RBFOX1: variants seen among roughly 807,000 people sequenced by gnomAD.
The protein encoded by RBFOX1 is RNA binding protein fox-1 homolog 1.
RBFOX1 carries 8 observed loss-of-function variants against 57.7 expected under a neutral mutation model. The observed-to-expected ratio is 0.14, with a 90% CI of 0.08 to 0.25. RBFOX1 has a LOEUF of 0.25. RBFOX1 is among the 10% of genes least tolerant of loss of function. The pLI is 1.00. For synonymous variants in RBFOX1, 326 were observed against 222.4 expected (o/e 1.47, Z -4.15); for missense variants, 611 against 548.5 (o/e 1.11, Z -1.14).
At chr16:7,567,253 ATATATATATATCCC>A (rs1385726437) in intron 5 of RBFOX1, among the ~76,000 whole-genome samples, 2 of 42,166 alleles carry the variant, frequency 4.7e-5, no homozygotes, top group East Asian at 8.3e-4. Context: ...ATATATCCCT[ATATATATATATCCC>A]TATATATATA....
At chr16:7,484,344 C>T (rs905860487) in intron 4 of RBFOX1, among the ~76,000 whole-genome samples, 2 of 152,090 alleles carry the variant, frequency 1.3e-5, no homozygotes, top group Non-Finnish European at 2.9e-5. Context: ...GGAGATAAAT[C>T]CTTCAAAGTA....
rs191555023 is a variant in RBFOX1 at position 6,198,853 on chromosome 16, G to C, written c.-126-118142G>C. On this transcript the variant is annotated intron_variant, in intron 1 of 15. Transcript: ENST00000550418. ...TGATGTTTATAGAGTACACCATCAA[G>C]ATGAGCTCTAGAAAAAGGAAACTAA... 4.6e-5 allele frequency among the ~76,000 whole-genome samples: 7 copies of C among 152,142 alleles called. No homozygotes were observed. In the East Asian group the frequency reaches 1.4e-3, roughly 29 times the overall value.
intron 2 of RBFOX1, among the ~76,000 whole-genome samples, chr16:6,527,381 T>C (rs879815217): frequency 1.3e-5 from 2 of 152,084 alleles, no homozygotes; most frequent in Non-Finnish European, 2.9e-5. Flanking sequence ...AACAAAGTGA[T>C]TTCTGTACAG....
chr16:6,159,384 T>C (rs2096861335), intron 1 of RBFOX1, among the ~76,000 whole-genome samples: 1 of 152,074 alleles, frequency 6.6e-6, no homozygotes. Context: ...GCCTCTGTCA[T>C]AGGTTTTTGG....
At chr16:5,281,785 C>G (rs1015144571) in intron 1 of RBFOX1, among the ~76,000 whole-genome samples, 9 of 152,128 alleles carry the variant, frequency 5.9e-5, no homozygotes, top group African/African-American at 2.2e-4. Context: ...ATATCTTTTT[C>G]AATCCCTTCA....
chr16:7,304,151 G>T, intron 4 of RBFOX1: 1 of 950,806 alleles, frequency 1.1e-6, no homozygotes, highest in Non-Finnish European at 1.3e-6. Context: ...CAGGGAGGAG[G>T]GACCGGCGGG....
At chr16:6,582,613 C>CAT (rs2097551497) in intron 2 of RBFOX1, among the ~76,000 whole-genome samples, 1 of 151,960 alleles carries the variant, frequency 6.6e-6, no homozygotes, top group Non-Finnish European at 1.5e-5. Flanking sequence ...ATGATGACAT[C>CAT]GTAGATCCAA....
At chr16:7,438,310 T>C (rs2098738725) in intron 4 of RBFOX1, among the ~76,000 whole-genome samples, 1 of 152,112 alleles carries the variant, frequency 6.6e-6, no homozygotes, top group Admixed American at 6.5e-5. Context: ...AAAGTGGATG[T>C]GAGGGGGTAA....
chr16:6,709,984 C>T (rs1204986651), intron 3 of RBFOX1, among the ~76,000 whole-genome samples: 1 of 152,000 alleles, frequency 6.6e-6, no homozygotes, highest in Non-Finnish European at 1.5e-5. Context: ...CACCTGTGCT[C>T]AATGTGAAAT....
chr16:7,391,039 G>A (rs2098004554), intron 4 of RBFOX1, among the ~76,000 whole-genome samples: 1 of 152,148 alleles, frequency 6.6e-6, no homozygotes, highest in Non-Finnish European at 1.5e-5. Context: ...TCATTGGTAA[G>A]CCTTGTTGTG....
intron 3 of RBFOX1, among the ~76,000 whole-genome samples, chr16:6,797,732 A>G (rs2084415312): frequency 6.6e-6 from 1 of 152,148 alleles, no homozygotes; most frequent in African/African-American, 2.4e-5. Context: ...TTTCCAAACC[A>G]CGTTGGCTCT....
At chr16:6,179,556 C>A (rs912605178) in intron 1 of RBFOX1, among the ~76,000 whole-genome samples, 1 of 152,144 alleles carries the variant, frequency 6.6e-6, no homozygotes, top group African/African-American at 2.4e-5. Flanking sequence ...CCCTACTGGG[C>A]TCAGAGACTG....
intron 14 of RBFOX1, among the ~76,000 whole-genome samples, chr16:7,679,833 G>C (rs974875718): frequency 6.6e-6 from 1 of 152,020 alleles, no homozygotes; most frequent in Non-Finnish European, 1.5e-5. Flanking sequence ...TGTGGGCAGA[G>C]ATTTCCCCAA....
chr16:5,398,686 G>T (rs942001440), intron 1 of RBFOX1, among the ~76,000 whole-genome samples: 1 of 152,096 alleles, frequency 6.6e-6, no homozygotes, highest in African/African-American at 2.4e-5. Flanking sequence ...GGTTGACAGT[G>T]GGGGAGGAAG....
At chr16:6,462,221 G>A (rs1010036497) in intron 2 of RBFOX1, among the ~76,000 whole-genome samples, 6 of 152,034 alleles carry the variant, frequency 3.9e-5, no homozygotes, top group Admixed American at 6.6e-5. Flanking sequence ...ATCTACCTTC[G>A]CAGTCCTCCA....
At chr16:5,803,507 T>G (rs1331622460) in intron 3 of RBFOX1, among the ~76,000 whole-genome samples, 2 of 152,296 alleles carry the variant, frequency 1.3e-5, no homozygotes, top group Non-Finnish European at 2.9e-5. Context: ...ACTTTCTTTG[T>G]GAGATTGCAG....
At chr16:7,620,528 C>G (rs896174244) in intron 10 of RBFOX1, among the ~76,000 whole-genome samples, 2 of 152,160 alleles carry the variant, frequency 1.3e-5, no homozygotes, top group Admixed American at 6.5e-5. Context: ...ACATTCTGCC[C>G]AAAGGCTTCC....
chr16:7,679,239 G>T (rs2074140165), intron 14 of RBFOX1, among the ~76,000 whole-genome samples: 1 of 152,178 alleles, frequency 6.6e-6, no homozygotes, highest in Non-Finnish European at 1.5e-5. Context: ...ACGTTTAGGG[G>T]AAAATGTGAA....
At chr16:6,269,088 A>G (rs2074900294) in intron 1 of RBFOX1, among the ~76,000 whole-genome samples, 1 of 152,186 alleles carries the variant, frequency 6.6e-6, no homozygotes, top group Non-Finnish European at 1.5e-5. Flanking sequence ...CATAATATAA[A>G]TGCTACGTAA....
Sources: allele counts gnomAD v4.1 joint callset (sites outside exome capture counted in the v4.1 genomes callset), GRCh38; gene constraint gnomAD v4.1.1; transcripts MANE v1.5; gene names NCBI Gene and HGNC (gene_info 2026-07-23, HGNC 2026-07-21).